CPA6: variants seen among roughly 807,000 people sequenced by gnomAD.
CPA6 encodes carboxypeptidase B.
In CPA6, 58 loss-of-function variants were observed where a neutral mutation model predicts 63.3. That is an observed-to-expected ratio of 0.92 (90% CI 0.74 to 1.14). CPA6 has a LOEUF of 1.14. Among genes scored for constraint, CPA6 ranks in the 50% most tolerant of loss-of-function variants. The probability of loss-of-function intolerance (pLI) is 0.00; values close to 1 mark genes in which losing one functional copy is unlikely to be tolerated. For missense variants in CPA6, 565 were observed against 526.6 expected (o/e 1.07, Z -0.71); for synonymous variants, 185 against 179.0 (o/e 1.03, Z -0.27).
intron 2 of CPA6, among the ~76,000 whole-genome samples, chr8:67,596,905 A>T (rs1037354551): frequency 2.0e-5 from 3 of 152,202 alleles, no homozygotes; most frequent in African/African-American, 4.8e-5. Flanking sequence ...TTAGATGCTG[A>T]TTAAGCATTT....
chr8:67,463,979 G>A (rs1045592583), intron 8 of CPA6, among the ~76,000 whole-genome samples: 2 of 152,110 alleles, frequency 1.3e-5, no homozygotes, highest in African/African-American at 2.4e-5. Context: ...CAATGAACAC[G>A]CGAGCGCATG....
intron 9 of CPA6, among the ~76,000 whole-genome samples, chr8:67,431,070 C>T (rs1027421481): frequency 6.6e-6 from 1 of 152,038 alleles, no homozygotes; most frequent in Non-Finnish European, 1.5e-5. Context: ...CACTATATTA[C>T]CTAGGCTGGT....
chr8:67,663,145 T>C (rs1300183254), intron 1 of CPA6, among the ~76,000 whole-genome samples: 1 of 152,180 alleles, frequency 6.6e-6, no homozygotes. Context: ...ATGTATGCAC[T>C]GCATTAACTA....
chr8:67,675,781 A>C (rs540846676), intron 1 of CPA6, among the ~76,000 whole-genome samples: 1 of 152,324 alleles, frequency 6.6e-6, no homozygotes, highest in Admixed American at 6.5e-5. Flanking sequence ...GCTGCAGGGC[A>C]CTGTTGATCC....
chr8:67,443,851 G>A (rs546374724), intron 8 of CPA6, among the ~76,000 whole-genome samples: 2 of 152,280 alleles, frequency 1.3e-5, no homozygotes, highest in Non-Finnish European at 2.9e-5. Flanking sequence ...GTGGTATTAC[G>A]AACGGTACCA....
At chr8:67,477,429 T>A (rs1022232549) in intron 8 of CPA6, among the ~76,000 whole-genome samples, 6 of 152,178 alleles carry the variant, frequency 3.9e-5, no homozygotes, top group African/African-American at 1.4e-4. Context: ...TTAAATTGGT[T>A]GTTAAGCAAA....
chr8:67,564,509 C>G (rs925173320), intron 2 of CPA6, among the ~76,000 whole-genome samples: 1 of 151,792 alleles, frequency 6.6e-6, no homozygotes, highest in African/African-American at 2.4e-5. Context: ...AAGAATATAT[C>G]CTTTTACAAA....
intron 1 of CPA6, among the ~76,000 whole-genome samples, chr8:67,736,483 C>T (rs62511422): frequency 0.04 from 6,122 of 152,282 alleles, 178 homozygotes; most frequent in Non-Finnish European, 0.055. Flanking sequence ...CCAGTGGATA[C>T]GACTTTGCAG....
intron 8 of CPA6, among the ~76,000 whole-genome samples, chr8:67,455,176 G>A (rs1406475929): frequency 1.3e-5 from 2 of 152,200 alleles, no homozygotes; most frequent in Admixed American, 1.3e-4. Context: ...ATGAAGAATG[G>A]AGGGGTACCA....
chr8:67,509,410 T>A (rs1259420410), intron 5 of CPA6, 107 bp downstream of exon 5: 2 of 554,692 alleles, frequency 3.6e-6, no homozygotes, highest in Non-Finnish European at 3.2e-6. Flanking sequence ...ATGTTAAATA[T>A]GAGACTCTAT....
chr8:67,459,135 T>A (rs977271030), intron 8 of CPA6, among the ~76,000 whole-genome samples: 3 of 152,326 alleles, frequency 2.0e-5, no homozygotes, highest in South Asian at 2.1e-4. Context: ...AAAAATTATT[T>A]AAAAATTTTT....
chr8:67,606,938 T>C (rs920935482), intron 2 of CPA6, among the ~76,000 whole-genome samples: 1 of 152,192 alleles, frequency 6.6e-6, no homozygotes, highest in Non-Finnish European at 1.5e-5. Context: ...TTATTTTATT[T>C]TATATTTTGG....
At chr8:67,444,127 G>C (rs1587431067) in intron 8 of CPA6, among the ~76,000 whole-genome samples, 1 of 151,938 alleles carries the variant, frequency 6.6e-6, no homozygotes, top group African/African-American at 2.4e-5. Context: ...GAGTAGCTGG[G>C]ATTACAGGCA....
intron 1 of CPA6, among the ~76,000 whole-genome samples, chr8:67,682,036 T>C (rs1329235678): frequency 6.6e-6 from 1 of 151,780 alleles, no homozygotes; most frequent in Non-Finnish European, 1.5e-5. Flanking sequence ...GTACATAACG[T>C]GACTTTTTTC....
chr8:67,718,610 T>C (rs1447824736), intron 1 of CPA6, among the ~76,000 whole-genome samples: 1 of 152,132 alleles, frequency 6.6e-6, no homozygotes, highest in Non-Finnish European at 1.5e-5. Context: ...GATTTCCCAA[T>C]TGTAGGAGAT....
intron 1 of CPA6, among the ~76,000 whole-genome samples, chr8:67,656,711 A>G (rs889136406): frequency 3.3e-5 from 5 of 152,220 alleles, no homozygotes; most frequent in African/African-American, 1.2e-4. Flanking sequence ...GAGAATAGAA[A>G]TGAAGGCTCC....
At chr8:67,476,864 G>A (rs1160584632) in intron 8 of CPA6, among the ~76,000 whole-genome samples, 1 of 152,168 alleles carries the variant, frequency 6.6e-6, no homozygotes, top group Non-Finnish European at 1.5e-5. Context: ...AGTTCGTGTT[G>A]AGCATTTAGC....
intron 8 of CPA6, among the ~76,000 whole-genome samples, chr8:67,473,583 G>C (rs747476555): frequency 3.3e-5 from 5 of 152,098 alleles, no homozygotes; most frequent in African/African-American, 4.8e-5. Flanking sequence ...AATCCCCTAT[G>C]GCTAGTTTTA....
At chr8:67,508,601 A>T (rs1811980432) in intron 5 of CPA6, among the ~76,000 whole-genome samples, 1 of 152,122 alleles carries the variant, frequency 6.6e-6, no homozygotes, top group Non-Finnish European at 1.5e-5. Context: ...AGTGAGTGAG[A>T]CCCAGATGGT....
Sources: gnomAD v4.1 joint callset for allele counts (sites outside exome capture counted in the v4.1 genomes callset) on GRCh38, gnomAD v4.1.1 for gene constraint, MANE v1.5 for transcripts, NCBI Gene and HGNC (gene_info 2026-07-23, HGNC 2026-07-21) for gene names.